Variants in LSAMP observed in about 807,000 individuals in gnomAD.
LSAMP encodes the protein limbic system associated membrane protein.
LSAMP carries 7 observed loss-of-function variants against 38.6 expected under a neutral mutation model. The observed-to-expected ratio is 0.18, with a 90% CI of 0.10 to 0.34. LSAMP has a LOEUF of 0.34. Among genes scored for constraint, LSAMP ranks in the 10% least tolerant of loss-of-function variants. The probability of loss-of-function intolerance (pLI) is 1.00; values close to 1 mark genes in which losing one functional copy is unlikely to be tolerated. For missense variants in LSAMP, 313 were observed against 420.0 expected (o/e 0.75, Z 2.23); for synonymous variants, 154 against 166.8 (o/e 0.92, Z 0.59).
intron 1 of LSAMP, among the ~76,000 whole-genome samples, chr3:116,432,137 G>A (rs970999770): frequency 7.9e-5 from 12 of 151,606 alleles, no homozygotes; most frequent in African/African-American, 1.9e-4. Context: ...CTTATATATC[G>A]TATCTGTTTA....
At chr3:115,841,782 A>T in intron 6 of LSAMP, 63 bp downstream of exon 6, 2 of 1,530,960 alleles carry the variant, frequency 1.3e-6, no homozygotes, top group Non-Finnish European at 1.8e-6. Context: ...AATGGTTTTC[A>T]CGTTTTTCAT....
At chr3:116,111,051 G>T (rs1221787678) in intron 1 of LSAMP, among the ~76,000 whole-genome samples, 1 of 152,168 alleles carries the variant, frequency 6.6e-6, no homozygotes, top group Non-Finnish European at 1.5e-5. Flanking sequence ...AATTCACAGG[G>T]TTAATCACTC....
At chr3:115,983,823 G>A (rs1939433427) in intron 3 of LSAMP, among the ~76,000 whole-genome samples, 1 of 152,164 alleles carries the variant, frequency 6.6e-6, no homozygotes, top group African/African-American at 2.4e-5. Context: ...GGCAAGAGAT[G>A]AGTCTTCAGA....
chr3:116,267,144 A>T (rs76073068), intron 1 of LSAMP, among the ~76,000 whole-genome samples: 1 of 152,124 alleles, frequency 6.6e-6, no homozygotes, highest in African/African-American at 2.4e-5. Context: ...CTGGAATGCA[A>T]GGCAGATGTT....
intron 3 of LSAMP, among the ~76,000 whole-genome samples, chr3:115,870,054 A>C (rs868080741): frequency 6.6e-6 from 1 of 152,104 alleles, no homozygotes; most frequent in Non-Finnish European, 1.5e-5. Context: ...ATTTTTTGAC[A>C]CATAAAAATT....
chr3:116,097,020 AC>A (rs1196364032), intron 1 of LSAMP, among the ~76,000 whole-genome samples: 1 of 152,172 alleles, frequency 6.6e-6, no homozygotes, highest in Admixed American at 6.5e-5. Flanking sequence ...TGTGAAAAAT[AC>A]CTCTCATTTG....
chr3:115,965,049 A>AGAG (rs935763145), intron 3 of LSAMP, among the ~76,000 whole-genome samples: 33 of 152,268 alleles, frequency 2.2e-4, no homozygotes, highest in African/African-American at 7.7e-4. Context: ...GCATGAACAA[A>AGAG]GAGCATACAG....
At chr3:116,310,888 G>A (rs1316624048) in intron 1 of LSAMP, among the ~76,000 whole-genome samples, 17 of 147,932 alleles carry the variant, frequency 1.1e-4, no homozygotes, top group African/African-American at 3.5e-4. Context: ...TGATGATGAT[G>A]GTGAGGAGGA....
chr3:116,044,774 G>A (rs1039677651), intron 2 of LSAMP, among the ~76,000 whole-genome samples: 1 of 152,152 alleles, frequency 6.6e-6, no homozygotes, highest in African/African-American at 2.4e-5. Flanking sequence ...GTACAGGAGG[G>A]TAATGTGAAC....
intron 1 of LSAMP, among the ~76,000 whole-genome samples, chr3:116,182,832 T>C (rs1050593062): frequency 6.6e-6 from 1 of 151,840 alleles, no homozygotes; most frequent in Non-Finnish European, 1.5e-5. Flanking sequence ...TGAGTTTTTA[T>C]TTTATAGTAA....
chr3:116,068,097 C>A (rs912823771), intron 2 of LSAMP, among the ~76,000 whole-genome samples: 3 of 152,072 alleles, frequency 2.0e-5, no homozygotes, highest in Non-Finnish European at 4.4e-5. Flanking sequence ...TACTTCTCAA[C>A]AAACAACAAA....
intron 3 of LSAMP, among the ~76,000 whole-genome samples, chr3:115,915,780 G>T (rs1430406899): frequency 2.6e-5 from 4 of 151,852 alleles, no homozygotes; most frequent in Non-Finnish European, 5.9e-5. Context: ...CTATAGGCAC[G>T]CACCACCACG....
At chr3:116,315,816 AC>A (rs775606791) in intron 1 of LSAMP, among the ~76,000 whole-genome samples, 4 of 152,120 alleles carry the variant, frequency 2.6e-5, no homozygotes, top group Admixed American at 6.6e-5. Flanking sequence ...TGGCACCATC[AC>A]TCAATTGGTA....
intron 1 of LSAMP, among the ~76,000 whole-genome samples, chr3:116,101,266 T>A (rs1708341144): frequency 2.0e-5 from 3 of 152,206 alleles, no homozygotes; most frequent in Admixed American, 1.3e-4. Flanking sequence ...GGACAAGAAG[T>A]GTTTTTCTAA....
intron 1 of LSAMP, among the ~76,000 whole-genome samples, chr3:116,390,130 TATAC>T (rs2048673817): frequency 7.6e-6 from 1 of 131,552 alleles, no homozygotes; most frequent in African/African-American, 3.5e-5. Flanking sequence ...TGTATGTATG[TATAC>T]ACACACACAC....
intron 1 of LSAMP, among the ~76,000 whole-genome samples, chr3:116,348,376 T>G (rs570513629): frequency 7.2e-5 from 11 of 152,184 alleles, no homozygotes; most frequent in Admixed American, 7.2e-4. Flanking sequence ...ACAGCCCAAG[T>G]GTATTTGGCA....
In LSAMP at chr3:116,366,026, A is replaced by T. The variant is rs1267651139; in HGVS notation, c.155+78851T>A. Among the ~76,000 whole-genome samples the T allele has an allele frequency of 2.8e-5, 4 of 143,644 alleles. No individual in the cohort carries two copies. The East Asian group carries it at 6.0e-4, about 22-fold the overall frequency. 94.2% of individuals were successfully genotyped at this position (143,644 alleles called of 152,430 possible). ...CTTAGAGTATAATAAAAAAAAAAAA[A>T]AAAAAAAAAAAAAGAACTTCTGCAC... On this transcript the variant is annotated intron_variant, in intron 1 of 6. Transcript: ENST00000490035.
chr3:116,311,603 T>C (rs2107717482), intron 1 of LSAMP, among the ~76,000 whole-genome samples: 1 of 152,294 alleles, frequency 6.6e-6, no homozygotes, highest in Non-Finnish European at 1.5e-5. Flanking sequence ...TGTAGAAAGG[T>C]TTAGAACCGG....
intron 2 of LSAMP, among the ~76,000 whole-genome samples, chr3:116,075,225 C>T (rs1707711800): frequency 6.6e-6 from 1 of 150,804 alleles, no homozygotes; most frequent in Non-Finnish European, 1.5e-5. Flanking sequence ...CAACCTCCAC[C>T]TCTAGGGTTC....
Sources: gnomAD v4.1 joint callset for allele counts (sites outside exome capture counted in the v4.1 genomes callset) on GRCh38, gnomAD v4.1.1 for gene constraint, MANE v1.5 for transcripts, NCBI Gene and HGNC (gene_info 2026-07-23, HGNC 2026-07-21) for gene names.